The following GMDS variants were observed in gnomAD, a reference collection of about 807,000 sequenced individuals.
GMDS encodes GDP-mannose 4,6-dehydratase.
A neutral mutation model predicts 49.9 loss-of-function variants in GMDS; 20 were observed. That is an observed-to-expected ratio of 0.40 (90% confidence interval 0.28 to 0.58). The LOEUF is 0.58. Among genes scored for constraint, GMDS ranks in the 20% least tolerant of loss-of-function variants. GMDS has a pLI of 0.42. For synonymous variants in GMDS, 177 were observed against 178.6 expected (o/e 0.99, Z 0.07); for missense variants, 362 against 481.4 (o/e 0.75, Z 2.32).
chr6:2,195,629 G>C (rs1456346055), intron 1 of GMDS, among the ~76,000 whole-genome samples: 2 of 151,964 alleles, frequency 1.3e-5, no homozygotes, highest in African/African-American at 4.8e-5. Context: ...TGATTTCTTA[G>C]GTATTATGTG....
At chr6:2,104,820 T>A (rs550938581) in intron 4 of GMDS, among the ~76,000 whole-genome samples, 3 of 152,252 alleles carry the variant, frequency 2.0e-5, no homozygotes, top group East Asian at 3.9e-4. Context: ...AAGTAAATAA[T>A]TCCAATAAGA....
At chr6:1,822,645 T>G (rs748815949) in intron 7 of GMDS, among the ~76,000 whole-genome samples, 6 of 152,202 alleles carry the variant, frequency 3.9e-5, no homozygotes, top group Non-Finnish European at 7.4e-5. Flanking sequence ...AATTATCTGT[T>G]AATGTTTAAG....
intron 4 of GMDS, among the ~76,000 whole-genome samples, chr6:2,003,991 C>T (rs1483504964): frequency 6.6e-6 from 1 of 152,174 alleles, no homozygotes; most frequent in Admixed American, 6.5e-5. Flanking sequence ...CACATAGCAT[C>T]CTGAACTATA....
At chr6:2,043,892 A>C (rs77357441) in intron 4 of GMDS, among the ~76,000 whole-genome samples, 1 of 152,192 alleles carries the variant, frequency 6.6e-6, no homozygotes, top group African/African-American at 2.4e-5. Context: ...AACCCCATTA[A>C]AAGTGGGCAA....
At chr6:2,050,677 A>C (rs917456295) in intron 4 of GMDS, among the ~76,000 whole-genome samples, 2 of 152,246 alleles carry the variant, frequency 1.3e-5, no homozygotes, top group African/African-American at 4.8e-5. Flanking sequence ...AAGTTTATCC[A>C]CCACAATCAA....
intron 9 of GMDS, among the ~76,000 whole-genome samples, chr6:1,663,746 T>C (rs1187049037): frequency 6.6e-6 from 1 of 152,032 alleles, no homozygotes; most frequent in East Asian, 1.9e-4. Flanking sequence ...TGAAGATCCG[T>C]GTGCCCTGCT....
rs1761427381 is a variant in GMDS at position 1,916,809 on chromosome 6, T to C, written c.771+13294A>G. On this transcript the variant is annotated intron_variant, in intron 7 of 10. Transcript: ENST00000380815. ...GGCCCAGGCAGATGCTTAACTACAA[T>C]GAGGCTTCTACTGCCACTGACAAAA... Among the ~76,000 whole-genome samples, 4 of 152,000 alleles carry C rather than the reference T, an allele frequency of 2.6e-5. No individual in the cohort carries two copies. In the South Asian group the frequency reaches 8.3e-4, roughly 32 times the overall value.
chr6:1,777,573 C>T (rs116526971), intron 7 of GMDS, among the ~76,000 whole-genome samples: 444 of 152,220 alleles, frequency 2.9e-3, no homozygotes, highest in African/African-American at 5.2e-3. Context: ...AAGAGTTTCC[C>T]GAGATTGTAA....
chr6:1,684,819 C>T (rs1205366364), intron 9 of GMDS, among the ~76,000 whole-genome samples: 1 of 152,088 alleles, frequency 6.6e-6, no homozygotes, highest in East Asian at 1.9e-4. Context: ...AATTATACCT[C>T]ATTAAAGCTG....
intron 7 of GMDS, among the ~76,000 whole-genome samples, chr6:1,788,968 C>T (rs1444613207): frequency 1.3e-5 from 2 of 152,110 alleles, no homozygotes. Flanking sequence ...TTTGCGGGTC[C>T]CCAGGTCACC....
chr6:2,101,624 G>A (rs1773930229), intron 4 of GMDS, among the ~76,000 whole-genome samples: 1 of 151,920 alleles, frequency 6.6e-6, no homozygotes, highest in Non-Finnish European at 1.5e-5. Flanking sequence ...CGAAATATGA[G>A]CAATACATTT....
chr6:1,883,806 T>C (rs923481313), intron 7 of GMDS, among the ~76,000 whole-genome samples: 6 of 152,186 alleles, frequency 3.9e-5, no homozygotes, highest in African/African-American at 9.7e-5. Flanking sequence ...AACATTTAAA[T>C]ATATCTAAAA....
intron 4 of GMDS, among the ~76,000 whole-genome samples, chr6:2,010,052 G>C (rs949270230): frequency 6.6e-6 from 1 of 152,106 alleles, no homozygotes; most frequent in Non-Finnish European, 1.5e-5. Flanking sequence ...CATCAGGCTG[G>C]GCACGGTGGC....
chr6:1,865,040 C>T (rs1251290713), intron 7 of GMDS, among the ~76,000 whole-genome samples: 4 of 152,152 alleles, frequency 2.6e-5, no homozygotes, highest in Admixed American at 1.3e-4. Flanking sequence ...AGCTTAGAAA[C>T]GCCATCATCT....
chr6:2,171,780 TC>T (rs1019593597), intron 1 of GMDS, among the ~76,000 whole-genome samples: 4 of 151,806 alleles, frequency 2.6e-5, no homozygotes, highest in African/African-American at 7.3e-5. Context: ...CACAAAGACT[TC>T]CATGAAAAAG....
chr6:1,715,520 G>A (rs548861716), intron 9 of GMDS, among the ~76,000 whole-genome samples: 5 of 152,202 alleles, frequency 3.3e-5, no homozygotes, highest in Non-Finnish European at 5.9e-5. Context: ...TGGGATAAGC[G>A]GTAAGTGCTG....
intron 9 of GMDS, among the ~76,000 whole-genome samples, chr6:1,692,175 T>C (rs1424501375): frequency 3.3e-5 from 5 of 152,240 alleles, no homozygotes; most frequent in South Asian, 2.1e-4. Context: ...GGACTTATAC[T>C]AGTGATTTGC....
In GMDS at chr6:1,624,240, C is replaced by G; in HGVS notation, c.1057-9G>C. On this transcript the variant is annotated splice_polypyrimidine_tract_variant and intron_variant, in intron 10 of 10. Coordinates refer to ENST00000380815, the MANE Select transcript of GMDS (RefSeq NM_001500.4). ...ATCTCCCTCACCAGCTCCTGCAACACAGGGGTGGGCGTGAGGGAGGAGCTT... is the reference window on the plus strand; with the variant it reads ...ATCTCCCTCACCAGCTCCTGCAACAGAGGGGTGGGCGTGAGGGAGGAGCTT... 1 of 1,610,862 alleles carries G rather than the reference C, an allele frequency of 6.2e-7. No individual in the cohort carries two copies. The highest frequency in any genetic ancestry group is 1.1e-5 in the South Asian group (1 of 91,054).
intron 9 of GMDS, among the ~76,000 whole-genome samples, chr6:1,709,301 T>C (rs1251769421): frequency 6.6e-6 from 1 of 152,176 alleles, no homozygotes; most frequent in Non-Finnish European, 1.5e-5. Flanking sequence ...GGCAAAGTTT[T>C]TGGGTGACCC....
Sources: allele counts gnomAD v4.1 joint callset (sites outside exome capture counted in the v4.1 genomes callset), GRCh38; gene constraint gnomAD v4.1.1; transcripts MANE v1.5; gene names NCBI Gene and HGNC (gene_info 2026-07-23, HGNC 2026-07-21).